The following MAVS variants were observed in gnomAD, a reference collection of about 807,000 sequenced individuals.
MAVS encodes the protein mitochondrial antiviral signaling protein, also known as mitochondrial antiviral-signaling protein.
Under a neutral mutation model 30.2 loss-of-function variants are expected in MAVS, and 20 were observed. That is an observed-to-expected ratio of 0.66 (90% CI 0.47 to 0.96). The LOEUF (loss-of-function observed/expected upper bound fraction) is 0.96. Among genes scored for constraint, MAVS ranks in the 40% least tolerant of loss-of-function variants. The pLI is 0.00. For missense variants in MAVS, 624 were observed against 701.1 expected (o/e 0.89, Z 1.24); for synonymous variants, 278 against 293.9 (o/e 0.95, Z 0.55).
Position 3,866,770 on chromosome 20 carries a change from G to C in MAVS, c.*623G>C, listed in dbSNP as rs1233097025. Reference sequence around the variant, plus strand: ...TCCTGTGGACCTCAGGGAAGCCAGGGGCAGCTGTCAGGCCTGAGGAAGACC... The same window carrying C: ...TCCTGTGGACCTCAGGGAAGCCAGGCGCAGCTGTCAGGCCTGAGGAAGACC... On this transcript the variant is annotated 3_prime_UTR_variant, in exon 7 of 7. Coordinates refer to ENST00000428216, the MANE Select transcript of MAVS (RefSeq NM_020746.5). The C allele has an allele frequency of 7.7e-6, 3 of 390,612 alleles. No individual in the cohort carries two copies. Among genetic ancestry groups the C allele is most frequent in the Non-Finnish European group, 1.5e-5 (3 of 196,216 alleles). The allele number at this position is 390,612 out of a possible 1,614,324, so 24.2% of individuals were successfully genotyped here.
chr20:3,855,535 C>A (rs1016983596), intron 2 of MAVS, among the ~76,000 whole-genome samples: 3 of 152,114 alleles, frequency 2.0e-5, no homozygotes, highest in African/African-American at 7.2e-5. Flanking sequence ...CGGGCACAAC[C>A]CCTCCCCGTT....
intron 5 of MAVS, among the ~76,000 whole-genome samples, chr20:3,862,839 C>T (rs1234754037): frequency 6.6e-6 from 1 of 152,118 alleles, no homozygotes; most frequent in Non-Finnish European, 1.5e-5. Context: ...GGCAGCTGGG[C>T]AGAGTTCTCA....
In MAVS at chr20:3,861,584, C is replaced by T. The variant is rs543477227; in HGVS notation, c.465+80C>T. On this transcript the variant is annotated intron_variant, in intron 4 of 6. Transcript: ENST00000428216. ...TTCTGCCCATTGAGCCTTCCAGAAACCCTCTCCCGTCCCCTATAAATCACG... is the reference window on the plus strand; with the variant it reads ...TTCTGCCCATTGAGCCTTCCAGAAATCCTCTCCCGTCCCCTATAAATCACG... 50 of 1,445,236 alleles carry T rather than the reference C, an allele frequency of 3.5e-5. No individual in the cohort carries two copies. In the South Asian group the frequency reaches 5.7e-4, roughly 17 times the overall value. 89.5% of individuals were successfully genotyped at this position (1,445,236 alleles called of 1,614,324 possible). A position where few individuals can be genotyped will look rare whatever the true frequency, so the allele number is the denominator to read the frequency against.
In MAVS at chr20:3,873,093, A is replaced by G. The variant is rs2089967396; in HGVS notation, c.*6946A>G. ...AGAACCTATAGAGAGTAAATCTGAC[A>G]AGATGAAATGCTGATGAAAATATGG... On this transcript the variant is annotated 3_prime_UTR_variant, in exon 7 of 7. Coordinates refer to ENST00000428216, the MANE Select transcript of MAVS (RefSeq NM_020746.5). 1 of 152,326 alleles carries G rather than the reference A, an allele frequency of 6.6e-6. No individual in the cohort carries two copies. Among genetic ancestry groups the G allele is most frequent in the South Asian group, 2.1e-4 (1 of 4,828 alleles). The allele number at this position is 152,326 out of a possible 1,614,324, so 9.4% of individuals were successfully genotyped here. A position where few individuals can be genotyped will look rare whatever the true frequency, so the allele number is the denominator to read the frequency against.
chr20:3,862,246 C>T lies in MAVS; in HGVS notation c.466-8C>T, dbSNP rs773983393. On this transcript the variant is annotated splice_polypyrimidine_tract_variant and splice_region_variant and intron_variant, in intron 4 of 6. Transcript: ENST00000428216. ...CAACTGCCTTATTCATATTTTCCCT[C>T]ATTGCAGAATTCAGAGCAAGCCCTG... The T allele has an allele frequency of 3.1e-6, 5 of 1,611,562 alleles. No individual in the cohort carries two copies. The East Asian group carries it at 8.9e-5, about 29-fold the overall frequency.
Position 3,866,393 on chromosome 20 carries a change from G to A in MAVS, c.*246G>A, listed in dbSNP as rs764130919. The A allele has an allele frequency of 3.0e-5, 16 of 531,032 alleles. No homozygotes were observed. Among genetic ancestry groups the A allele is most frequent in the Non-Finnish European group, 4.6e-5 (14 of 301,682 alleles). The allele number at this position is 531,032 out of a possible 1,614,324, so 32.9% of individuals were successfully genotyped here. On this transcript the variant is annotated 3_prime_UTR_variant, in exon 7 of 7. Coordinates refer to ENST00000428216, the MANE Select transcript of MAVS (RefSeq NM_020746.5). ...TTCTGGGTCCTGGGCTGCCCCCAGT[G>A]CTCCAGACCTTCCCCACTGGCAATC...
In MAVS at chr20:3,865,179, T is replaced by C. The variant is rs535294345; in HGVS notation, c.1158+391T>C. Among the ~76,000 whole-genome samples, 5 of 152,292 alleles carry C rather than the reference T, an allele frequency of 3.3e-5. No homozygotes were observed. The East Asian group carries it at 9.6e-4, about 29-fold the overall frequency. ...TTGCCTTGCTCTTCACCAGGATGCC[T>C]GGTGTGTCCCTCCATGGCCAGGCTT... is the stretch of plus-strand genomic sequence containing the variant. On this transcript the variant is annotated intron_variant, in intron 6 of 6. Coordinates refer to ENST00000428216, the MANE Select transcript of MAVS (RefSeq NM_020746.5). The surrounding 1 kb of genome is among the most constrained non-coding windows in gnomAD (Gnocchi z 4.7).
chr20:3,865,091 G>A lies in MAVS; in HGVS notation c.1158+303G>A, dbSNP rs146223640. ...AGGGCTCGTAGTTCCTAGTGAAGCC[G>A]AGCGGTGCCGTTTTGCACATAAGGA... On this transcript the variant is annotated intron_variant, in intron 6 of 6. Transcript: ENST00000428216. This position sits in a 1 kb window ranked among gnomAD's most constrained non-coding sequence, Gnocchi z 4.7. Among the ~76,000 whole-genome samples, 117 of 152,330 alleles carry A rather than the reference G, an allele frequency of 7.7e-4. 1 individual carries two copies. The highest frequency in any genetic ancestry group is 2.7e-3 in the African/African-American group (112 of 41,578).
chr20:3,872,823 ACAG>A lies in MAVS; in HGVS notation c.*6677_*6679del, dbSNP rs1181304618. ...CATCATTCTTTTATGTAATCATACA[ACAG>A]ATATTTGCACCTACATGTGCAGAGC... On this transcript the variant is annotated 3_prime_UTR_variant, in exon 7 of 7. Coordinates refer to ENST00000428216, the MANE Select transcript of MAVS (RefSeq NM_020746.5). 6.6e-6 allele frequency: 1 copy of A among 152,332 alleles called. No homozygotes were observed. Among genetic ancestry groups the A allele is most frequent in the Admixed American group, 6.6e-5 (1 of 15,262 alleles). The allele number at this position is 152,332 out of a possible 1,614,324, so 9.4% of individuals were successfully genotyped here.
intron 1 of MAVS, among the ~76,000 whole-genome samples, chr20:3,847,703 C>T (rs1157144781): frequency 6.6e-6 from 1 of 152,210 alleles, no homozygotes; most frequent in Non-Finnish European, 1.5e-5. Context: ...CACCCTCAGC[C>T]TCCCTCCCGC....
Position 3,872,811 on chromosome 20 carries a change from T to A in MAVS, c.*6664T>A, listed in dbSNP as rs79340167. ...AATAGGCTTTCACATCATTCTTTTA[T>A]GTAATCATACAACAGATATTTGCAC... is the stretch of plus-strand genomic sequence containing the variant. On this transcript the variant is annotated 3_prime_UTR_variant, in exon 7 of 7. Coordinates refer to ENST00000428216, the MANE Select transcript of MAVS (RefSeq NM_020746.5). 6.6e-6 allele frequency: 1 copy of A among 152,388 alleles called. No homozygotes were observed. The highest frequency in any genetic ancestry group is 1.5e-5 in the Non-Finnish European group (1 of 68,058). 9.4% of individuals were successfully genotyped at this position (152,388 alleles called of 1,614,324 possible). A position where few individuals can be genotyped will look rare whatever the true frequency, so the allele number is the denominator to read the frequency against.
At chr20:3,848,507 G>A (rs2089729826) in intron 1 of MAVS, among the ~76,000 whole-genome samples, 1 of 152,188 alleles carries the variant, frequency 6.6e-6, no homozygotes, top group Non-Finnish European at 1.5e-5. Flanking sequence ...ATTAGTACTT[G>A]CCCCACGAGG....
chr20:3,848,010 C>T (rs1413687585), intron 1 of MAVS, among the ~76,000 whole-genome samples: 1 of 152,234 alleles, frequency 6.6e-6, no homozygotes, highest in Non-Finnish European at 1.5e-5. Context: ...ATCCCTTCCC[C>T]TCCATCTGTG....
Position 3,854,691 on chromosome 20 carries a change from G to C in MAVS, c.67G>C (p.Asp23His), listed in dbSNP as rs780360913. The change falls in exon 2 of 7, where the codon GAT becomes CAT. Residue 23 changes from aspartate to histidine, a missense_variant. By Grantham distance (81) the Asp-to-His change is moderately conservative. Transcript: ENST00000428216. ...CRNFSNFCNV[D>H]VVEILPYLPC... is the part of the protein sequence containing the mutation. ...CAATTTCAGCAATTTTTGCAATGTG[G>C]ATGTTGTAGAGATTCTGCCTTACCT... 6.2e-7 allele frequency: 1 copy of C among 1,613,948 alleles called. No individual in the cohort carries two copies. Among genetic ancestry groups the C allele is most frequent in the South Asian group, 1.1e-5 (1 of 91,072 alleles).
At position 3,864,592 on chromosome 20, in the gene MAVS, C is replaced by T. The variant is rs558231938; in HGVS notation, c.962C>T (p.Thr321Ile). 8.2e-5 allele frequency: 133 copies of T among 1,614,216 alleles called. 3 individuals are homozygous for T. The South Asian group carries it at 1.3e-3, about 16-fold the overall frequency. The change falls in exon 6 of 7, where the codon ACA (threonine) becomes ATA (isoleucine). Residue 321 changes from threonine to isoleucine, a missense_variant. Physicochemically the swap from Thr to Ile is moderately conservative, Grantham distance 89. Transcript: ENST00000428216. ...KVPANPASVS[T>I]VPSKLPTSSK... The stretch of plus-strand genomic sequence containing the variant: ...CCTGCCAACCCAGCATCTGTCAGCA[C>T]AGTGCCCTCCAAGTTGCCAACTAGC...
In MAVS at chr20:3,866,507, A is replaced by C. The variant is rs1895716113; in HGVS notation, c.*360A>C. On this transcript the variant is annotated 3_prime_UTR_variant, in exon 7 of 7. Coordinates refer to ENST00000428216, the MANE Select transcript of MAVS (RefSeq NM_020746.5). ...GTGGAGCAGGAGGGACCACTGGAACATGTGGTGCTTGGGAATGCCTCTCCT... is the reference window on the plus strand; with the variant it reads ...GTGGAGCAGGAGGGACCACTGGAACCTGTGGTGCTTGGGAATGCCTCTCCT... 2 of 369,282 alleles carry C rather than the reference A, an allele frequency of 5.4e-6. No individual in the cohort carries two copies. The highest frequency in any genetic ancestry group is 5.9e-5 in the South Asian group (2 of 33,796). 22.9% of individuals were successfully genotyped at this position (369,282 alleles called of 1,614,324 possible). A position where few individuals can be genotyped will look rare whatever the true frequency, so the allele number is the denominator to read the frequency against.
intron 1 of MAVS, among the ~76,000 whole-genome samples, chr20:3,848,015 T>A (rs536133057): frequency 6.6e-6 from 1 of 152,280 alleles, no homozygotes; most frequent in East Asian, 1.9e-4. Context: ...TTCCCCTCCA[T>A]CTGTGGCTGA....
At chr20:3,859,360 T>G (rs563380994) in intron 3 of MAVS, among the ~76,000 whole-genome samples, 38 of 151,876 alleles carry the variant, frequency 2.5e-4, no homozygotes, top group Middle Eastern at 6.8e-3. Flanking sequence ...ACAAAAAAAT[T>G]AGCTGCGCAT....
chr20:3,850,243 C>T (rs1187743168), intron 1 of MAVS, among the ~76,000 whole-genome samples: 3 of 122,546 alleles, frequency 2.4e-5, no homozygotes, highest in African/African-American at 3.2e-5. Context: ...CACCACTGCA[C>T]TCCAGCCTGG....
Sources: allele counts gnomAD v4.1 joint callset (sites outside exome capture counted in the v4.1 genomes callset), GRCh38; gene constraint gnomAD v4.1.1; non-coding constraint Gnocchi (gnomAD v3.1); transcripts MANE v1.5; gene names NCBI Gene and HGNC (gene_info 2026-07-23, HGNC 2026-07-21).